The following WDFY4 variants were observed in gnomAD, a reference collection of about 807,000 sequenced individuals.
WDFY4 encodes the protein WDFY family member 4.
In WDFY4, 169 loss-of-function variants were observed where a neutral mutation model predicts 351.9. The ratio of observed to expected loss-of-function variants is 0.48; its 90% CI spans 0.42 to 0.55. The LOEUF is 0.55. Ranked by LOEUF, WDFY4 falls within the 20% of genes least tolerant of loss-of-function variation. WDFY4 has a pLI of 0.00. For synonymous variants in WDFY4, 1,622 were observed against 1,574.6 expected (o/e 1.03, Z -0.71); for missense variants, 3,803 against 3,935.6 (o/e 0.97, Z 0.90).
intron 37 of WDFY4, among the ~76,000 whole-genome samples, chr10:48,829,911 C>A (rs1309633341): frequency 1.3e-5 from 2 of 152,184 alleles, no homozygotes; most frequent in African/African-American, 2.4e-5. Context: ...CTGCCATGCT[C>A]AAAAATCTCG....
chr10:48,727,063 C>G (rs910775476), intron 6 of WDFY4, among the ~76,000 whole-genome samples: 1 of 152,244 alleles, frequency 6.6e-6, no homozygotes. Flanking sequence ...TCTTTTTACC[C>G]TCTGCCTCCT....
rs1334529113 is a variant in WDFY4 at position 48,807,953 on chromosome 10, C to T, written c.4833C>T (p.Ser1611=). The change falls in exon 28 of 62, where the codon TCC becomes TCT. Residue 1611 remains serine (S), a synonymous_variant. Coordinates refer to ENST00000325239, the MANE Select transcript of WDFY4 (RefSeq NM_001394531.1). ...TATCTTCCCCCCAGCTTCATCTGTC[C>T]TCTGAGTAAGTAGCTCCAGGAAGAG... is the stretch of plus-strand genomic sequence containing the variant. ...SVISSPQLHL[S]SESKEEMFLK... is the part of the protein sequence containing the mutation. The T allele has an allele frequency of 1.3e-6, 2 of 1,542,600 alleles. No homozygotes were observed. The highest frequency in any genetic ancestry group is 1.4e-5 in the African/African-American group (1 of 72,602).
At chr10:48,977,021 C>T (rs760913789) in intron 59 of WDFY4, 42 bp downstream of exon 59, 23 of 1,307,598 alleles carry the variant, frequency 1.8e-5, no homozygotes, top group East Asian at 6.2e-5. Context: ...ACACAAGAAA[C>T]GTGTTCATCT....
In WDFY4 at chr10:48,776,910, A is replaced by T; in HGVS notation, c.3024A>T (p.Pro1008=). ...TALSLISMTS[P]RNLQPQRAAL... ...TGAGCCTCATCTCCATGACCTCCCC[A>T]CGCAACCTGCAGCCTCAGAGGGCAG... The change falls in exon 16 of 62, where the codon CCA becomes CCT. Residue 1008 remains proline (P), a synonymous_variant. Transcript: ENST00000325239. 2 of 1,552,168 alleles carry T rather than the reference A, an allele frequency of 1.3e-6. No individual in the cohort carries two copies. Among genetic ancestry groups the T allele is most frequent in the Admixed American group, 2.0e-5 (1 of 50,996 alleles).
At chr10:48,730,133 G>A (rs1398122840) in intron 8 of WDFY4, among the ~76,000 whole-genome samples, 6 of 152,256 alleles carry the variant, frequency 3.9e-5, no homozygotes, top group African/African-American at 1.2e-4. Context: ...GCTCAGTCAG[G>A]AAACCTCGAA....
At chr10:48,810,876 C>A in intron 29 of WDFY4, 141 bp downstream of exon 29, 1 of 873,636 alleles carries the variant, frequency 1.1e-6, no homozygotes, top group Non-Finnish European at 1.7e-6. Context: ...CCAAGGCCTA[C>A]ATCCAAATGA....
At chr10:48,734,462 T>C (rs1418194438) in intron 10 of WDFY4, among the ~76,000 whole-genome samples, 1 of 151,838 alleles carries the variant, frequency 6.6e-6, no homozygotes, top group Non-Finnish European at 1.5e-5. Flanking sequence ...ATGTAATCCA[T>C]TCAAATTTTC....
intron 30 of WDFY4, among the ~76,000 whole-genome samples, chr10:48,812,181 TTTTTTTTTGTTTTTTTTG>T (rs1235264983): frequency 7.6e-6 from 1 of 131,834 alleles, no homozygotes; most frequent in African/African-American, 3.9e-5. Flanking sequence ...TTTCTTTTCT[TTTTTTTTTGTTTTTTTTG>T]TTTTTTTTTG....
chr10:48,765,133 A>G (rs140600712), intron 13 of WDFY4, among the ~76,000 whole-genome samples: 2 of 152,384 alleles, frequency 1.3e-5, no homozygotes, highest in African/African-American at 4.8e-5. Context: ...GTGGGGCTAG[A>G]AAGGTCTCTT....
chr10:48,941,947 G>T, intron 48 of WDFY4, 99 bp downstream of exon 48: 2 of 1,145,646 alleles, frequency 1.7e-6, no homozygotes, highest in Non-Finnish European at 2.5e-6. Context: ...CAACCAAGAA[G>T]GGATCTTATT....
chr10:48,957,375 G>T (rs1841645456), intron 52 of WDFY4, 93 bp downstream of exon 52: 1 of 1,455,476 alleles, frequency 6.9e-7, no homozygotes, highest in East Asian at 2.5e-5. Context: ...CTGGACCTTT[G>T]CTAGGCCCTC....
intron 55 of WDFY4, 172 bp downstream of exon 55, chr10:48,966,845 G>A: frequency 2.2e-6 from 2 of 900,666 alleles, no homozygotes; most frequent in Non-Finnish European, 3.2e-6. Flanking sequence ...TCTCTGGGAA[G>A]TGTCTAGGAG....
intron 9 of WDFY4, among the ~76,000 whole-genome samples, chr10:48,733,217 TA>T (rs764716290): frequency 3.3e-5 from 5 of 152,236 alleles, no homozygotes; most frequent in Admixed American, 6.5e-5. Context: ...CTCATGCATC[TA>T]GTCTTACTTC....
intron 9 of WDFY4, among the ~76,000 whole-genome samples, chr10:48,731,941 C>T (rs1565140260): frequency 6.6e-6 from 1 of 152,208 alleles, no homozygotes; most frequent in Non-Finnish European, 1.5e-5. Context: ...GGCTTCCTAG[C>T]TCACTCTGTT....
intron 5 of WDFY4, 140 bp downstream of exon 5, chr10:48,723,707 C>A: frequency 2.6e-6 from 3 of 1,170,666 alleles, no homozygotes; most frequent in Non-Finnish European, 2.3e-6. Context: ...GTCTAACCTC[C>A]CCCTCCCCTC....
chr10:48,730,446 G>A (rs534231913), intron 8 of WDFY4, among the ~76,000 whole-genome samples: 19 of 152,336 alleles, frequency 1.2e-4, no homozygotes, highest in Non-Finnish European at 2.5e-4. Context: ...AGGCAGAGAA[G>A]GCTGGAGGCA....
Position 48,796,422 on chromosome 10 carries a change from T to G in WDFY4, c.4382T>G (p.Val1461Gly), listed in dbSNP as rs906758513. Residue 1461 changes from valine (V) to glycine (G), a missense_variant, in exon 24 of 62, where the codon GTC becomes GGC. Val to Gly is a moderately radical substitution (Grantham distance 109). Around this residue, in one of 3 missense-constraint regions of WDFY4, gnomAD observed 3,054 missense variants for 3,148.6 expected, o/e 0.97. Transcript: ENST00000325239. Reference sequence around the variant, plus strand: ...TCATCTGCTATCACCAACACTGGTGTCTTCCAGCACATCCTCTGCAATTTC... The same window carrying G: ...TCATCTGCTATCACCAACACTGGTGGCTTCCAGCACATCCTCTGCAATTTC... ...FRSSAITNTGVFQHILCNFEL... is the reference protein window; with the variant it reads ...FRSSAITNTGGFQHILCNFEL... 79 of 1,551,802 alleles carry G rather than the reference T, an allele frequency of 5.1e-5. No individual in the cohort carries two copies. The highest frequency in any genetic ancestry group is 6.4e-5 in the Non-Finnish European group (73 of 1,147,076).
At chr10:48,688,652 C>T (rs371935716) in intron 1 of WDFY4, among the ~76,000 whole-genome samples, 2 of 152,014 alleles carry the variant, frequency 1.3e-5, no homozygotes, top group African/African-American at 4.8e-5. Context: ...TTTTAGGTGT[C>T]ATGTGAAGAT....
At position 48,982,436 on chromosome 10, in the gene WDFY4, A is replaced by G. The variant is rs920456062; in HGVS notation, c.9489-73A>G. The G allele has an allele frequency of 2.8e-5, 38 of 1,334,692 alleles. No individual in the cohort carries two copies. The African/African-American group carries it at 5.4e-4, about 19-fold the overall frequency. 82.7% of individuals were successfully genotyped at this position (1,334,692 alleles called of 1,614,324 possible). A position where few individuals can be genotyped will look rare whatever the true frequency, so the allele number is the denominator to read the frequency against. ...GCCCCAGATAGAGCCCCAGAGTTGC[A>G]ATATCCCATGTGCTGGCGGGGACAA... On this transcript the variant is annotated intron_variant, in intron 61 of 61. Coordinates refer to ENST00000325239, the MANE Select transcript of WDFY4 (RefSeq NM_001394531.1).
Sources: allele counts gnomAD v4.1 joint callset (sites outside exome capture counted in the v4.1 genomes callset), GRCh38; gene constraint gnomAD v4.1.1; regional missense constraint gnomAD v4.1.1; transcripts MANE v1.5; gene names NCBI Gene and HGNC (gene_info 2026-07-23, HGNC 2026-07-21).